The following KAZN variants were observed in gnomAD, a reference collection of about 807,000 sequenced individuals.
The protein encoded by KAZN is kazrin, periplakin interacting protein, also known as kazrin.
KAZN carries 40 observed loss-of-function variants against 87.4 expected under a neutral mutation model. That is an observed-to-expected ratio of 0.46 (90% CI 0.36 to 0.60). The LOEUF is 0.60. Ranked by LOEUF, KAZN falls within the 20% of genes least tolerant of loss-of-function variation. The pLI, the probability that KAZN is intolerant of heterozygous loss-of-function variation, is 0.00. For synonymous variants in KAZN, 466 were observed against 458.3 expected, an observed-to-expected ratio of 1.02 and a Z score of -0.22; for missense variants, 898 against 1,073.9, an observed-to-expected ratio of 0.84 and a Z score of 2.29.
At chr1:13,974,702 T>C (rs1638238250) in intron 1 of KAZN, among the ~76,000 whole-genome samples, 1 of 152,186 alleles carries the variant, frequency 6.6e-6, no homozygotes, top group Non-Finnish European at 1.5e-5. Flanking sequence ...TAGAGCTCCC[T>C]GAGGAAGCAA....
At chr1:14,435,749 C>T (rs1332162094) in intron 2 of KAZN, among the ~76,000 whole-genome samples, 1 of 152,002 alleles carries the variant, frequency 6.6e-6, no homozygotes, top group African/African-American at 2.4e-5. Context: ...GATGACAGGG[C>T]CTAACGATAT....
intron 2 of KAZN, among the ~76,000 whole-genome samples, chr1:15,030,814 T>C (rs1438148730): frequency 6.6e-6 from 1 of 152,192 alleles, no homozygotes; most frequent in African/African-American, 2.4e-5. Context: ...CCTAAGCTGC[T>C]GCTCAGCCAA....
chr1:14,732,022 A>G (rs2100367359), intron 1 of KAZN, among the ~76,000 whole-genome samples: 1 of 152,342 alleles, frequency 6.6e-6, no homozygotes, highest in South Asian at 2.1e-4. Context: ...AGCTGTGGGA[A>G]GTCAGCTGTG....
At chr1:14,991,286 C>T (rs1667333754) in intron 2 of KAZN, among the ~76,000 whole-genome samples, 1 of 151,950 alleles carries the variant, frequency 6.6e-6, no homozygotes. Flanking sequence ...ACCCGAGAGG[C>T]GGGGGTTGCA....
At chr1:14,692,985 A>G (rs1000272483) in intron 1 of KAZN, among the ~76,000 whole-genome samples, 3 of 151,294 alleles carry the variant, frequency 2.0e-5, no homozygotes, top group African/African-American at 7.3e-5. Context: ...TCAGGTCCTC[A>G]TAGCAATTTG....
intron 2 of KAZN, among the ~76,000 whole-genome samples, chr1:14,592,107 G>T (rs1441243587): frequency 1.3e-5 from 2 of 152,080 alleles, no homozygotes; most frequent in East Asian, 3.9e-4. Context: ...CTTTTCCCCA[G>T]AGCACATGTT....
At chr1:14,692,482 G>T (rs1341715664) in intron 1 of KAZN, 4 of 200,724 alleles carry the variant, frequency 2.0e-5, no homozygotes, top group Non-Finnish European at 4.0e-5. Flanking sequence ...CTTCTTTGGA[G>T]CACTTCCAGC....
At chr1:14,075,640 C>T (rs979718366) in intron 1 of KAZN, among the ~76,000 whole-genome samples, 6 of 152,230 alleles carry the variant, frequency 3.9e-5, no homozygotes, top group South Asian at 4.1e-4. Flanking sequence ...AGAACAAAAA[C>T]GCAGTTCCTT....
At chr1:14,124,549 A>G (rs1170471484) in intron 1 of KAZN, among the ~76,000 whole-genome samples, 1 of 152,234 alleles carries the variant, frequency 6.6e-6, no homozygotes, top group Non-Finnish European at 1.5e-5. Flanking sequence ...AGAATAGACA[A>G]TGGTGAAACC....
chr1:14,972,579 A>G (rs147293244), intron 2 of KAZN, among the ~76,000 whole-genome samples: 2 of 151,390 alleles, frequency 1.3e-5, no homozygotes, highest in African/African-American at 4.9e-5. Context: ...GCAATGGCAC[A>G]ATCTCAGCTC....
intron 2 of KAZN, among the ~76,000 whole-genome samples, chr1:14,387,482 TG>T (rs1390484711): frequency 1.3e-5 from 2 of 151,926 alleles, no homozygotes. Context: ...GATGTACAGA[TG>T]GGTTTTTGGT....
At chr1:14,439,793 A>G (rs375276423) in intron 2 of KAZN, among the ~76,000 whole-genome samples, 8 of 151,918 alleles carry the variant, frequency 5.3e-5, no homozygotes, top group African/African-American at 1.9e-4. Flanking sequence ...TTTCTCCCCT[A>G]CCTCTTATAG....
At chr1:15,072,539 C>T (rs2100596588) in intron 8 of KAZN, among the ~76,000 whole-genome samples, 1 of 152,344 alleles carries the variant, frequency 6.6e-6, no homozygotes, top group East Asian at 1.9e-4. Context: ...AACCCAGGGC[C>T]AGCCTGGTCT....
intron 1 of KAZN, among the ~76,000 whole-genome samples, chr1:14,098,677 G>A (rs937777109): frequency 6.6e-6 from 1 of 152,130 alleles, no homozygotes; most frequent in Non-Finnish European, 1.5e-5. Context: ...TTGCTGTAGG[G>A]TTGGGGCCAT....
At chr1:14,458,015 G>T (rs1197967822) in intron 2 of KAZN, among the ~76,000 whole-genome samples, 1 of 151,862 alleles carries the variant, frequency 6.6e-6, no homozygotes, top group Admixed American at 6.6e-5. Context: ...GTAGAGTTAT[G>T]GTTTCACTGC....
intron 4 of KAZN, among the ~76,000 whole-genome samples, chr1:15,050,153 TA>T (rs1674188459): frequency 8.9e-6 from 1 of 111,812 alleles, no homozygotes; most frequent in African/African-American, 4.2e-5. Context: ...AATAATAGAA[TA>T]GAATGGAATA....
rs191461666 is a variant in KAZN at position 14,906,954 on chromosome 1, G to A, written c.227-53730G>A. On this transcript the variant is annotated intron_variant, in intron 1 of 14. Coordinates refer to ENST00000376030, the MANE Select transcript of KAZN (RefSeq NM_201628.3). ...TGCACTGGAGCAGTGTTTTGTCCCT[G>A]GGGGAAGAATGACCCCCAGGATGTG... is the stretch of plus-strand genomic sequence containing the variant. 1.3e-4 allele frequency among the ~76,000 whole-genome samples: 19 copies of A among 151,994 alleles called. No homozygotes were observed. In the East Asian group the frequency reaches 3.3e-3, roughly 26 times the overall value.
At position 14,746,349 on chromosome 1, in the gene KAZN, C is replaced by G. The variant is rs146694656; in HGVS notation, c.226+147126C>G. 6.6e-5 allele frequency among the ~76,000 whole-genome samples: 10 copies of G among 152,238 alleles called. 1 individual carries two copies. The East Asian group carries it at 1.9e-3, about 29-fold the overall frequency. On this transcript the variant is annotated intron_variant, in intron 1 of 14. Coordinates refer to ENST00000376030, the MANE Select transcript of KAZN (RefSeq NM_201628.3). ...TTAACATGTTACTGAGTGGCCTCTTCTCCACCACTCAATAACAAGAGCAAG... is the reference window on the plus strand; with the variant it reads ...TTAACATGTTACTGAGTGGCCTCTTGTCCACCACTCAATAACAAGAGCAAG...
chr1:14,897,330 G>A (rs1251044178), intron 1 of KAZN, among the ~76,000 whole-genome samples: 1 of 152,082 alleles, frequency 6.6e-6, no homozygotes, highest in Non-Finnish European at 1.5e-5. Context: ...ATGCTGATTG[G>A]CCTAGGTCTG....
Sources: gnomAD v4.1 joint callset for allele counts (sites outside exome capture counted in the v4.1 genomes callset) on GRCh38, gnomAD v4.1.1 for gene constraint, MANE v1.5 for transcripts, NCBI Gene and HGNC (gene_info 2026-07-23, HGNC 2026-07-21) for gene names.